ZNFX1: variants seen among roughly 807,000 people sequenced by gnomAD.
ZNFX1 encodes NFX1-type zinc finger-containing protein 1.
In ZNFX1, 78 loss-of-function variants were observed where a neutral mutation model predicts 179.8. That is an observed-to-expected ratio of 0.43 (90% CI 0.36 to 0.52). ZNFX1 has a LOEUF of 0.52. Ranked by LOEUF, ZNFX1 falls within the 20% of genes least tolerant of loss-of-function variation. The pLI, the probability that ZNFX1 is intolerant of heterozygous loss-of-function variation, is 0.00. For synonymous variants in ZNFX1, 848 were observed against 868.5 expected (o/e 0.98, Z 0.42); for missense variants, 1,927 against 2,386.6 (o/e 0.81, Z 4.01).
In ZNFX1 at chr20:49,269,963, T is replaced by TA. The variant is rs1568986838; in HGVS notation, c.1848dup (p.Ile617TyrfsTer30). Reference sequence around the variant, plus strand: ...TTACCTGTTCCAGGAGGTCCTTGAATAATAGCCAGTTCCCTTGTGAGAGCA... The same window carrying TA: ...TTACCTGTTCCAGGAGGTCCTTGAATAAATAGCCAGTTCCCTTGTGAGAGCA... On this transcript the variant is annotated frameshift_variant, in exon 3 of 14. Transcript: ENST00000396105. LOFTEE classifies it high-confidence loss of function. The TA allele has an allele frequency of 6.2e-7, 1 of 1,607,310 alleles. No homozygotes were observed. Among genetic ancestry groups the TA allele is most frequent in the Admixed American group, 1.7e-5 (1 of 57,894 alleles).
intron 13 of ZNFX1, among the ~76,000 whole-genome samples, chr20:49,251,290 T>C (rs1294227218): frequency 6.6e-6 from 1 of 151,958 alleles, no homozygotes; most frequent in Non-Finnish European, 1.5e-5. Flanking sequence ...TTACAGGTGC[T>C]TGCCACCATG....
At chr20:49,261,968 C>CGTAA (rs1981124508) in intron 6 of ZNFX1, among the ~76,000 whole-genome samples, 1 of 149,372 alleles carries the variant, frequency 6.7e-6, no homozygotes, top group African/African-American at 2.5e-5. Flanking sequence ...AGTTTACCTA[C>CGTAA]GTAACAAACC....
Position 49,248,766 on chromosome 20 carries a change from C to T in ZNFX1, c.4258G>A (p.Glu1420Lys). ...HSQPVKCGHVEGLLYGGLLVK... is the reference protein window; with the variant it reads ...HSQPVKCGHVKGLLYGGLLVK... ...AGCAGACCACCATACAGGAGGCCTT[C>T]CACATGACCACATTTTACCGGTTGA... Residue 1420 changes from glutamate (E) to lysine (K), a missense_variant, in exon 14 of 14, where the codon GAA (glutamate) becomes AAA (lysine). Transcript: ENST00000396105. This position sits in a 1 kb window ranked among gnomAD's most constrained non-coding sequence, Gnocchi z 4.6. 6.2e-7 allele frequency: 1 copy of T among 1,614,052 alleles called. No individual in the cohort carries two copies. The highest frequency in any genetic ancestry group is 1.1e-5 in the South Asian group (1 of 91,090).
chr20:49,248,625 G>A lies in ZNFX1; in HGVS notation c.4399C>T (p.Arg1467Cys), dbSNP rs757426140. 5 of 1,614,006 alleles carry A rather than the reference G, an allele frequency of 3.1e-6. No individual in the cohort carries two copies. Among genetic ancestry groups the A allele is most frequent in the South Asian group, 1.1e-5 (1 of 91,086 alleles). ...CACTTGTGTGAGCAGATAAGCAGGC[G>A]CTTGCAGGGCTGCTGACAGCGTTCA... ...FHERCQQPCK[R>C]LLICSHKCQE... The change falls in exon 14 of 14, where the codon CGC (arginine) becomes TGC (cysteine). Residue 1467 changes from arginine to cysteine, a missense_variant. Transcript: ENST00000396105. This position sits in a 1 kb window ranked among gnomAD's most constrained non-coding sequence, Gnocchi z 4.6.
intron 10 of ZNFX1, among the ~76,000 whole-genome samples, chr20:49,254,160 AG>A (rs1414628307): frequency 2.0e-5 from 3 of 151,866 alleles, no homozygotes; most frequent in Non-Finnish European, 4.4e-5. Flanking sequence ...CCGAGTAGCC[AG>A]GATTACAGGC....
chr20:49,251,283 C>G (rs918660918), intron 13 of ZNFX1, among the ~76,000 whole-genome samples: 1 of 152,092 alleles, frequency 6.6e-6, no homozygotes, highest in African/African-American at 2.4e-5. Flanking sequence ...GCTGGGATTA[C>G]AGGTGCTTGC....
chr20:49,273,402 G>A (rs916293995), intron 2 of ZNFX1, among the ~76,000 whole-genome samples: 1 of 152,090 alleles, frequency 6.6e-6, no homozygotes, highest in Non-Finnish European at 1.5e-5. Context: ...AAAGTGCTGG[G>A]ATTACAGGTG....
At chr20:49,256,058 T>A (rs1021941889) in intron 8 of ZNFX1, 111 bp from the exon 9 acceptor site, 4 of 1,320,348 alleles carry the variant, frequency 3.0e-6, no homozygotes, top group African/African-American at 1.5e-5. Context: ...CACTGATTAA[T>A]GTCAAGTGTC....
chr20:49,265,783 G>A (rs908954064), intron 4 of ZNFX1, among the ~76,000 whole-genome samples: 3 of 152,178 alleles, frequency 2.0e-5, no homozygotes, highest in Non-Finnish European at 4.4e-5. Flanking sequence ...TGAGAAGAGA[G>A]ATTTAAAGTG....
In ZNFX1 at chr20:49,252,826, C is replaced by T. The variant is rs1273705973; in HGVS notation, c.3110G>A (p.Arg1037His). The T allele has an allele frequency of 7.4e-6, 12 of 1,613,530 alleles. No homozygotes were observed. The highest frequency in any genetic ancestry group is 4.4e-5 in the South Asian group (4 of 91,070). ...CAGATCATACACGTTGGCACTGGGG[C>T]GCAGCTGAGAAGAGAAACATGGCTG... ...LILIGDHQQL[R>H]PSANVYDLAK... Residue 1037 changes from arginine to histidine, a missense_variant, in exon 12 of 14, where the codon CGC becomes CAC. Transcript: ENST00000396105.
intron 11 of ZNFX1, among the ~76,000 whole-genome samples, 157 bp downstream of exon 11, chr20:49,253,509 C>CATCT: frequency 6.6e-6 from 1 of 152,256 alleles, no homozygotes; most frequent in South Asian, 2.1e-4. Flanking sequence ...AATCTAATAG[C>CATCT]ATCTGCTCTT....
intron 6 of ZNFX1, 113 bp downstream of exon 6, chr20:49,263,221 G>T: frequency 1.5e-6 from 2 of 1,320,948 alleles, no homozygotes; most frequent in Non-Finnish European, 1.0e-6. Context: ...TTTACACATT[G>T]TGGCAGCATC....
At position 49,260,559 on chromosome 20, in the gene ZNFX1, A is replaced by C. The variant is rs759349909; in HGVS notation, c.2320T>G (p.Phe774Val). 1.2e-6 allele frequency: 2 copies of C among 1,610,626 alleles called. No homozygotes were observed. The highest frequency in any genetic ancestry group is 4.5e-5 in the East Asian group (2 of 44,836). Residue 774 changes from phenylalanine to valine, a missense_variant, in exon 7 of 14, where the codon TTC (phenylalanine) becomes GTC (valine). Phe to Val is a conservative substitution (Grantham distance 50). Transcript: ENST00000396105. ...ATCATGGAATGCTTCCAGTGCTGGA[A>C]GCAAATCCATTCACTATCCTAAGGA... is the stretch of plus-strand genomic sequence containing the variant. ...GPVQDSEWICFQHWKHSMMLE... is the reference protein window; with the variant it reads ...GPVQDSEWICVQHWKHSMMLE...
At position 49,249,576 on chromosome 20, in the gene ZNFX1, GGT is replaced by G. The variant is rs761899199; in HGVS notation, c.3446_3447del (p.Tyr1149SerfsTer44). ...GTGAGGATGGTGATCTGGGAAGGCA[GGT>G]ATTCCTGGCACAGGAAGTACTTGCA... is the stretch of plus-strand genomic sequence containing the variant. Reference protein sequence around the residue: ...ELCKYFLCQEYLPSQITILTT... With the variant: ...ELCKYFLCQEXLPSQITILTT... On this transcript the variant is annotated frameshift_variant, in exon 14 of 14. Transcript: ENST00000396105. LOFTEE classifies it high-confidence loss of function. 1 of 1,614,230 alleles carries G rather than the reference GGT, an allele frequency of 6.2e-7. No individual in the cohort carries two copies.
chr20:49,247,463 A>T lies in ZNFX1; in HGVS notation c.5561T>A (p.Ile1854Asn). ...GHWFKCRNGHIYVIGDCGGAM... is the reference protein window; with the variant it reads ...GHWFKCRNGHNYVIGDCGGAM... ...TCCCCCACAATCGCCAATCACATAG[A>T]TATGGCCATTGCGGCACTTGAACCA... The change falls in exon 14 of 14, where the codon ATC becomes AAC. Residue 1854 changes from isoleucine (I) to asparagine (N), a missense_variant. Transcript: ENST00000396105. 6.2e-7 allele frequency: 1 copy of T among 1,614,144 alleles called. No homozygotes were observed. Among genetic ancestry groups the T allele is most frequent in the Non-Finnish European group, 8.5e-7 (1 of 1,180,030 alleles).
intron 2 of ZNFX1, among the ~76,000 whole-genome samples, chr20:49,272,572 T>C (rs1239969323): frequency 1.3e-5 from 2 of 152,202 alleles, no homozygotes; most frequent in African/African-American, 2.4e-5. Flanking sequence ...TTATTACTAG[T>C]AGCAATAATT....
intron 13 of ZNFX1, among the ~76,000 whole-genome samples, chr20:49,251,283 C>T (rs918660918): frequency 2.0e-5 from 3 of 152,092 alleles, no homozygotes; most frequent in Admixed American, 2.0e-4. Context: ...GCTGGGATTA[C>T]AGGTGCTTGC....
intron 3 of ZNFX1, among the ~76,000 whole-genome samples, chr20:49,269,060 T>C (rs953500726): frequency 2.0e-5 from 3 of 152,226 alleles, no homozygotes; most frequent in Non-Finnish European, 4.4e-5. Flanking sequence ...TGCATATGCA[T>C]GTTCATTGTA....
chr20:49,273,855 G>A (rs934609193), intron 2 of ZNFX1, among the ~76,000 whole-genome samples: 1 of 152,188 alleles, frequency 6.6e-6, no homozygotes, highest in Non-Finnish European at 1.5e-5. Flanking sequence ...GCTTGAGCCC[G>A]GGAGGTCGGG....
Sources: allele counts gnomAD v4.1 joint callset (sites outside exome capture counted in the v4.1 genomes callset), GRCh38; gene constraint gnomAD v4.1.1; non-coding constraint Gnocchi (gnomAD v3.1); transcripts MANE v1.5; gene names NCBI Gene and HGNC (gene_info 2026-07-23, HGNC 2026-07-21).